The following MAD1L1 variants were observed in gnomAD, a reference collection of about 807,000 sequenced individuals.
The protein encoded by MAD1L1 is mitotic arrest deficient 1 like 1.
A neutral mutation model predicts 96.9 loss-of-function variants in MAD1L1; 95 were observed. The observed-to-expected ratio is 0.98, with a 90% CI of 0.83 to 1.16. The LOEUF (loss-of-function observed/expected upper bound fraction) is 1.16. MAD1L1 is among the 50% of genes most tolerant of loss of function. MAD1L1 has a pLI of 0.00. For missense variants in MAD1L1, 1,007 were observed against 954.4 expected (o/e 1.06, Z -0.73); for synonymous variants, 473 against 396.6 (o/e 1.19, Z -2.29).
chr7:1,924,997 T>C (rs1315058798), intron 17 of MAD1L1, among the ~76,000 whole-genome samples: 1 of 151,558 alleles, frequency 6.6e-6, no homozygotes, highest in Non-Finnish European at 1.5e-5. Flanking sequence ...AAATGGAGTA[T>C]AAAAAAGGCC....
intron 17 of MAD1L1, among the ~76,000 whole-genome samples, chr7:1,922,451 A>C (rs1352310571): frequency 6.6e-6 from 1 of 152,238 alleles, no homozygotes; most frequent in Non-Finnish European, 1.5e-5. Flanking sequence ...ACAGAACTAC[A>C]CAGACACACG....
intron 11 of MAD1L1, among the ~76,000 whole-genome samples, chr7:2,127,838 G>C (rs371683529): frequency 1.1e-4 from 16 of 152,244 alleles, no homozygotes; most frequent in African/African-American, 3.9e-4. Flanking sequence ...GAGTTGCTGG[G>C]GCCTCAGAAC....
At chr7:2,183,735 C>T (rs1791315459) in intron 10 of MAD1L1, among the ~76,000 whole-genome samples, 1 of 151,778 alleles carries the variant, frequency 6.6e-6, no homozygotes, top group South Asian at 2.1e-4. Context: ...GGGAACATCA[C>T]ACACCGGGGA....
intron 18 of MAD1L1, among the ~76,000 whole-genome samples, chr7:1,865,183 C>A (rs1784721942): frequency 6.6e-6 from 1 of 152,194 alleles, no homozygotes; most frequent in African/African-American, 2.4e-5. Context: ...TGCACAAGCA[C>A]CCACCCTATG....
chr7:1,898,125 G>A lies in MAD1L1; in HGVS notation c.1998+75C>T, dbSNP rs1489695323. The A allele has an allele frequency of 2.7e-6, 4 of 1,467,438 alleles. No individual in the cohort carries two copies. In the Admixed American group the frequency reaches 5.9e-5, roughly 22 times the overall value. The allele number at this position is 1,467,438 out of a possible 1,614,324, so 90.9% of individuals were successfully genotyped here. On this transcript the variant is annotated intron_variant, in intron 18 of 18. Coordinates refer to ENST00000265854, the MANE Select transcript of MAD1L1 (RefSeq NM_001013836.2). ...GGACGCGAGGCTGCTCCTTTGCTGA[G>A]GGCTACGGTCGGATCTCCCCACAGG...
At chr7:1,868,920 C>T (rs1012975276) in intron 18 of MAD1L1, among the ~76,000 whole-genome samples, 4 of 152,208 alleles carry the variant, frequency 2.6e-5, no homozygotes, top group Admixed American at 6.5e-5. Flanking sequence ...AAGCTGAGCA[C>T]GGAAGCGCCG....
At position 2,002,009 on chromosome 7, in the gene MAD1L1, G is replaced by C. The variant is rs557583575; in HGVS notation, c.1416+56C>G. On this transcript the variant is annotated intron_variant, in intron 14 of 18. Coordinates refer to ENST00000265854, the MANE Select transcript of MAD1L1 (RefSeq NM_001013836.2). Reference sequence around the variant, plus strand: ...AAGGCTTATGGGGACAGGCGTCCCTGCCCAGACCCAGGGTCCAGGTGCCCT... The same window carrying C: ...AAGGCTTATGGGGACAGGCGTCCCTCCCCAGACCCAGGGTCCAGGTGCCCT... 16 of 1,587,156 alleles carry C rather than the reference G, an allele frequency of 1.0e-5. No individual in the cohort carries two copies. The East Asian group carries it at 3.4e-4, about 33-fold the overall frequency.
chr7:2,014,591 G>C lies in MAD1L1; in HGVS notation c.1270C>G (p.Pro424Ala), dbSNP rs773972047. Reference sequence around the variant, plus strand: ...GTCAGCTGGGGTGAGTACTCGGCCGGGGTCAGCTCGCTGTCGTAGGACCCC... The same window carrying C: ...GTCAGCTGGGGTGAGTACTCGGCCGCGGTCAGCTCGCTGTCGTAGGACCCC... ...ILGSYDSELT[P>A]AEYSPQLTRR... Residue 424 changes from proline to alanine, a missense_variant, in exon 13 of 19, where the codon CCG (proline) becomes GCG (alanine). Pro to Ala is a conservative substitution (Grantham distance 27, BLOSUM62 -1). Transcript: ENST00000265854. 1 of 1,612,316 alleles carries C rather than the reference G, an allele frequency of 6.2e-7. No homozygotes were observed. The highest frequency in any genetic ancestry group is 1.3e-5 in the African/African-American group (1 of 74,932).
At chr7:1,971,239 T>C (rs1780391621) in intron 15 of MAD1L1, among the ~76,000 whole-genome samples, 1 of 152,214 alleles carries the variant, frequency 6.6e-6, no homozygotes, top group African/African-American at 2.4e-5. Context: ...TGGCCACCGC[T>C]GCTGCTGGGG....
intron 12 of MAD1L1, among the ~76,000 whole-genome samples, chr7:2,054,657 C>T (rs980472766): frequency 1.3e-5 from 2 of 152,184 alleles, no homozygotes; most frequent in African/African-American, 4.8e-5. Flanking sequence ...ATTCCAAAGC[C>T]GAGAGAACCC....
intron 13 of MAD1L1, among the ~76,000 whole-genome samples, chr7:2,006,541 G>A (rs777327203): frequency 5.9e-5 from 9 of 151,792 alleles, no homozygotes; most frequent in Non-Finnish European, 1.0e-4. Flanking sequence ...AAACCCGCAC[G>A]GCCCAGCACA....
At chr7:1,928,425 A>G (rs1227302724) in intron 17 of MAD1L1, among the ~76,000 whole-genome samples, 1 of 140,236 alleles carries the variant, frequency 7.1e-6, no homozygotes, top group African/African-American at 2.7e-5. Flanking sequence ...CACACTTGAC[A>G]CTGCTCCCCA....
chr7:2,020,461 C>T lies in MAD1L1; in HGVS notation c.1219-5819G>A, dbSNP rs181740311. Among the ~76,000 whole-genome samples the T allele has an allele frequency of 3.7e-3, 563 of 152,346 alleles. 2 individuals carry two copies. The highest frequency in any genetic ancestry group is 4.7e-3 in the Non-Finnish European group (318 of 68,034). ...CAGAGGACGGAACGCCATGGGCACA[C>T]GGCAGCTGTGAGACCGAGCCGCAGG... On this transcript the variant is annotated intron_variant, in intron 12 of 18. Coordinates refer to ENST00000265854, the MANE Select transcript of MAD1L1 (RefSeq NM_001013836.2).
At chr7:2,078,836 C>T (rs2128536797) in intron 11 of MAD1L1, among the ~76,000 whole-genome samples, 1 of 152,304 alleles carries the variant, frequency 6.6e-6, no homozygotes, top group Non-Finnish European at 1.5e-5. Flanking sequence ...CAGCACCGGC[C>T]CCAGTCCCCA....
At chr7:2,203,034 C>T (rs1485020552) in intron 10 of MAD1L1, among the ~76,000 whole-genome samples, 1 of 152,214 alleles carries the variant, frequency 6.6e-6, no homozygotes, top group Non-Finnish European at 1.5e-5. Flanking sequence ...CCGCCTCCCA[C>T]CTCCCCAGCC....
intron 10 of MAD1L1, among the ~76,000 whole-genome samples, chr7:2,164,514 T>C (rs1178126256): frequency 7.2e-6 from 1 of 139,090 alleles, no homozygotes; most frequent in African/African-American, 2.8e-5. Flanking sequence ...TATCAGGTTG[T>C]AGGTCACATC....
At chr7:1,892,215 G>A (rs1455967763) in intron 18 of MAD1L1, among the ~76,000 whole-genome samples, 1 of 152,204 alleles carries the variant, frequency 6.6e-6, no homozygotes, top group Non-Finnish European at 1.5e-5. Flanking sequence ...TTGCAGCTTG[G>A]CAGCAGCCGG....
rs146046834 is a variant in MAD1L1, at chr7:1,974,622, T to C, written c.1505+5831A>G. Among the ~76,000 whole-genome samples the C allele has an allele frequency of 5.5e-3, 840 of 151,904 alleles. 12 individuals are homozygous for C. Among genetic ancestry groups the C allele is most frequent in the African/African-American group, 0.019 (801 of 41,402 alleles). On this transcript the variant is annotated intron_variant, in intron 15 of 18. Transcript: ENST00000265854. ...GAAGGTAGGACAAAAATAAGGAAAA[T>C]AGGATCAAAAAGATTTAAGAGAGAG... is the stretch of plus-strand genomic sequence containing the variant.
chr7:1,823,513 G>A lies in MAD1L1; in HGVS notation c.1999-7285C>T, dbSNP rs568876297. On this transcript the variant is annotated intron_variant, in intron 18 of 18. Transcript: ENST00000265854. ...CTGCCCATCTCTCCTAGAACGCCAC[G>A]GCCACAGGGGACCCTGGCACCTGGA... Among the ~76,000 whole-genome samples the A allele has an allele frequency of 5.3e-5, 8 of 152,278 alleles. 1 individual carries two copies. In the South Asian group the frequency reaches 1.2e-3, roughly 24 times the overall value.
Sources: gnomAD v4.1 joint callset for allele counts (sites outside exome capture counted in the v4.1 genomes callset) on GRCh38, gnomAD v4.1.1 for gene constraint, MANE v1.5 for transcripts, NCBI Gene and HGNC (gene_info 2026-07-23, HGNC 2026-07-21) for gene names.